CCDC73: variants seen among roughly 807,000 people sequenced by gnomAD.
CCDC73 encodes the protein coiled-coil domain containing 73.
A neutral mutation model predicts 116.5 loss-of-function variants in CCDC73; 95 were observed. The ratio of observed to expected loss-of-function variants is 0.82; its 90% CI spans 0.69 to 0.97. The LOEUF (loss-of-function observed/expected upper bound fraction) is 0.97, where lower values mean the gene tolerates loss of function less well. Among genes scored for constraint, CCDC73 ranks in the 50% least tolerant of loss-of-function variants. CCDC73 has a pLI of 0.00. For missense variants in CCDC73, 1,066 were observed against 1,206.8 expected (o/e 0.88, Z 1.73); for synonymous variants, 398 against 401.3 (o/e 0.99, Z 0.10).
At chr11:32,719,838 A>T (rs2133333920) in intron 2 of CCDC73, among the ~76,000 whole-genome samples, 1 of 152,300 alleles carries the variant, frequency 6.6e-6, no homozygotes, top group South Asian at 2.1e-4. Flanking sequence ...GCCACAAACT[A>T]TCAAAACTCA....
chr11:32,751,462 G>A (rs111653522), intron 2 of CCDC73, among the ~76,000 whole-genome samples: 1,568 of 152,254 alleles, frequency 0.01, 26 homozygotes, highest in African/African-American at 0.036. Context: ...ACCCCCCAGC[G>A]GCAAGGCTTG....
chr11:32,720,474 A>T (rs960651835), intron 2 of CCDC73, among the ~76,000 whole-genome samples: 1 of 152,150 alleles, frequency 6.6e-6, no homozygotes, highest in Non-Finnish European at 1.5e-5. Context: ...CAATGTAGGG[A>T]TGTCTATTCT....
intron 9 of CCDC73, among the ~76,000 whole-genome samples, chr11:32,674,288 G>A (rs917686291): frequency 6.6e-6 from 1 of 152,200 alleles, no homozygotes; most frequent in East Asian, 1.9e-4. Context: ...CTCAGAGGTA[G>A]GGAGGTGGTC....
At chr11:32,830,365 C>G in the CCDC73 span, 1 of 838,036 alleles carries the variant, frequency 1.2e-6, no homozygotes, top group Admixed American at 3.8e-5. Context: ...GGGCGCGCGT[C>G]GGGTTCCGGC....
chr11:32,807,840 A>C, the CCDC73 span, among the ~76,000 whole-genome samples: 4 of 152,328 alleles, frequency 2.6e-5, no homozygotes, highest in African/African-American at 9.6e-5. Context: ...AATAAAACTT[A>C]GTACAAAAAC....
At chr11:32,685,089 C>T (rs547732103) in intron 6 of CCDC73, among the ~76,000 whole-genome samples, 57 of 152,018 alleles carry the variant, frequency 3.7e-4, no homozygotes, top group Admixed American at 1.1e-3. Context: ...AGCAAAAGTA[C>T]AATAATTACT....
chr11:32,754,897 T>G (rs1850319093), intron 2 of CCDC73, among the ~76,000 whole-genome samples: 1 of 145,632 alleles, frequency 6.9e-6, no homozygotes. Context: ...TTTTTTTTTT[T>G]TTTTTTCTGA....
intron 14 of CCDC73, among the ~76,000 whole-genome samples, chr11:32,619,733 TGAA>T (rs772408744): frequency 2.1e-5 from 3 of 140,402 alleles, no homozygotes; most frequent in African/African-American, 5.4e-5. Context: ...AAGGAGGAGA[TGAA>T]GAAGGAGCAG....
intron 3 of CCDC73, among the ~76,000 whole-genome samples, chr11:32,713,155 A>G (rs1467211214): frequency 6.6e-6 from 1 of 152,244 alleles, no homozygotes; most frequent in Non-Finnish European, 1.5e-5. Context: ...GTTTGTTGAT[A>G]GGTCATTTTT....
At chr11:32,727,855 C>T (rs1850042221) in intron 2 of CCDC73, among the ~76,000 whole-genome samples, 1 of 152,124 alleles carries the variant, frequency 6.6e-6, no homozygotes, top group Admixed American at 6.5e-5. Flanking sequence ...CAGGTGTGAG[C>T]CACTGTGCCT....
intron 14 of CCDC73, among the ~76,000 whole-genome samples, chr11:32,623,134 G>C (rs1172523876): frequency 1.3e-5 from 2 of 151,968 alleles, no homozygotes; most frequent in Admixed American, 1.3e-4. Context: ...TCAGCCTCCT[G>C]AGTAGCTGGG....
chr11:32,732,992 A>C (rs1850093682), intron 2 of CCDC73, among the ~76,000 whole-genome samples: 1 of 152,234 alleles, frequency 6.6e-6, no homozygotes, highest in Non-Finnish European at 1.5e-5. Flanking sequence ...TAAAGAGTCA[A>C]GAACCATCAG....
chr11:32,715,512 A>C (rs951003687), intron 3 of CCDC73, among the ~76,000 whole-genome samples: 17 of 151,798 alleles, frequency 1.1e-4, no homozygotes, highest in Non-Finnish European at 2.4e-4. Context: ...ACACACACAC[A>C]CACACACACC....
At chr11:32,653,274 A>ATTACC in intron 11 of CCDC73, 47 bp from the exon 12 acceptor site, 1 of 1,204,994 alleles carries the variant, frequency 8.3e-7, no homozygotes, top group Non-Finnish European at 1.2e-6. Flanking sequence ...TAAGATAGGT[A>ATTACC]TGTTTCTAAA....
intron 5 of CCDC73, among the ~76,000 whole-genome samples, chr11:32,700,268 G>T: frequency 6.6e-6 from 1 of 152,150 alleles, no homozygotes; most frequent in Middle Eastern, 3.4e-3. Context: ...TATGTTCATT[G>T]ATATAATAAA....
chr11:32,645,444 A>T (rs970598051), intron 12 of CCDC73, among the ~76,000 whole-genome samples: 2 of 151,568 alleles, frequency 1.3e-5, no homozygotes, highest in Admixed American at 1.3e-4. Flanking sequence ...GGTGCATACC[A>T]CCACACTGGC....
At chr11:32,621,142 T>G (rs1590548557) in intron 14 of CCDC73, among the ~76,000 whole-genome samples, 1 of 152,128 alleles carries the variant, frequency 6.6e-6, no homozygotes, top group African/African-American at 2.4e-5. Context: ...AAACTACCAC[T>G]GACTTTCTTC....
At chr11:32,741,086 T>A (rs1850179381) in intron 2 of CCDC73, among the ~76,000 whole-genome samples, 1 of 152,166 alleles carries the variant, frequency 6.6e-6, no homozygotes, top group African/African-American at 2.4e-5. Flanking sequence ...TTTTGTGGCC[T>A]AACATATGGT....
At chr11:32,792,015 C>T (rs1165482503) in intron 1 of CCDC73, among the ~76,000 whole-genome samples, 2 of 151,396 alleles carry the variant, frequency 1.3e-5, no homozygotes, top group Non-Finnish European at 2.9e-5. Flanking sequence ...CACACACACA[C>T]ACACAATCCC....
Sources: gnomAD v4.1 joint callset for allele counts (sites outside exome capture counted in the v4.1 genomes callset) on GRCh38, gnomAD v4.1.1 for gene constraint, MANE v1.5 for transcripts, NCBI Gene and HGNC (gene_info 2026-07-23, HGNC 2026-07-21) for gene names.